Variants in RUNX1T1 observed in about 807,000 individuals in gnomAD.
The protein encoded by RUNX1T1 is protein CBFA2T1.
RUNX1T1 carries 4 observed loss-of-function variants against 62.8 expected under a neutral mutation model. The ratio of observed to expected loss-of-function variants is 0.06; its 90% CI spans 0.03 to 0.15. RUNX1T1 has a LOEUF of 0.15. Among genes scored for constraint, RUNX1T1 ranks in the 10% least tolerant of loss-of-function variants. RUNX1T1 has a pLI of 1.00. For missense variants in RUNX1T1, 508 were observed against 754.3 expected, an observed-to-expected ratio of 0.67 and a Z score of 3.82; for synonymous variants, 291 against 286.0, an observed-to-expected ratio of 1.02 and a Z score of -0.18.
intron 1 of RUNX1T1, among the ~76,000 whole-genome samples, chr8:92,059,853 A>T (rs1157039160): frequency 6.6e-6 from 1 of 152,166 alleles, no homozygotes; most frequent in Non-Finnish European, 1.5e-5. Context: ...CTTAAAAAAA[A>T]GTTCCAGGCA....
At chr8:91,955,732 T>G (rs1809263667), downstream of RUNX1T1, 1 of 224,726 alleles carries the variant, frequency 4.4e-6, no homozygotes. Context: ...GTCTATAAAG[T>G]CAGAACATTC....
At chr8:92,013,251 C>T (rs1418000296) in intron 3 of RUNX1T1, among the ~76,000 whole-genome samples, 1 of 152,174 alleles carries the variant, frequency 6.6e-6, no homozygotes, top group Admixed American at 6.5e-5. Flanking sequence ...AGTATGCCAA[C>T]ACACCTTTTG....
intron 8 of RUNX1T1, among the ~76,000 whole-genome samples, chr8:91,985,489 A>G (rs188951123): frequency 5.3e-5 from 8 of 152,326 alleles, no homozygotes; most frequent in African/African-American, 1.9e-4. Context: ...ACTAGAATTA[A>G]TATAATCATG....
intron 1 of RUNX1T1, among the ~76,000 whole-genome samples, chr8:92,084,272 G>A (rs2130844147): frequency 6.8e-6 from 1 of 147,984 alleles, no homozygotes; most frequent in African/African-American, 2.5e-5. Context: ...AATAAAAGAT[G>A]GGGTGTTTTG....
intron 2 of RUNX1T1, among the ~76,000 whole-genome samples, chr8:92,070,280 G>GAAA (rs1833476727): frequency 6.6e-6 from 1 of 152,224 alleles, no homozygotes; most frequent in African/African-American, 2.4e-5. Context: ...GAGCTTGAAA[G>GAAA]AAACCTGCCA....
Position 91,986,115 on chromosome 8 carries a change from A to G in RUNX1T1, c.1198+9T>C, listed in dbSNP as rs774215234. The G allele has an allele frequency of 6.2e-7, 1 of 1,603,158 alleles. No homozygotes were observed. Among genetic ancestry groups the G allele is most frequent in the Non-Finnish European group, 8.5e-7 (1 of 1,169,986 alleles). On this transcript the variant is annotated intron_variant, in intron 8 of 10. Coordinates refer to ENST00000396218, the Ensembl canonical transcript of RUNX1T1. ...GTGTTTTCGAGATACTCATCTGAAG[A>G]AAAGTTACCTAGTGCAACTGGGTCT...
At chr8:92,062,285 T>A (rs1362879844) in intron 1 of RUNX1T1, among the ~76,000 whole-genome samples, 5 of 152,166 alleles carry the variant, frequency 3.3e-5, no homozygotes, top group African/African-American at 4.8e-5. Flanking sequence ...CAAACATCCG[T>A]GGCTGTACGA....
intron 1 of RUNX1T1, among the ~76,000 whole-genome samples, chr8:92,052,217 T>C (rs1397867448): frequency 6.6e-6 from 1 of 152,200 alleles, no homozygotes; most frequent in East Asian, 1.9e-4. Context: ...AAGAAAATCT[T>C]TGTATATCCA....
At position 92,091,230 on chromosome 8, in the gene RUNX1T1, T is replaced by C. The variant is rs530251036; in HGVS notation, c.-86+8350A>G. On this transcript the variant is annotated intron_variant, in intron 1 of 11. Coordinates refer to the RUNX1T1 transcript ENST00000265814. ...CAAATAGTGATTTGCTTTAGAGGCC[T>C]TGATCGATATGAAACCGACCAAAAC... Among the ~76,000 whole-genome samples, 6 of 152,348 alleles carry C rather than the reference T, an allele frequency of 3.9e-5. No homozygotes were observed. The South Asian group carries it at 1.2e-3, about 32-fold the overall frequency.
intron 4 of RUNX1T1, among the ~76,000 whole-genome samples, chr8:92,007,967 C>CAAAAAAAAAAAAAAAAAAAA (rs34232877): frequency 4.7e-5 from 4 of 85,336 alleles, no homozygotes; most frequent in African/African-American, 7.5e-5. Context: ...GACTTTGTTT[C>CAAAAAAAAAAAAAAAAAAAA]AAAAAAAAAA....
downstream of RUNX1T1, chr8:91,957,035 GAGAAAA>G (rs560963395): frequency 8.3e-5 from 18 of 217,118 alleles, no homozygotes; most frequent in Non-Finnish European, 1.7e-4. Flanking sequence ...TCTCATGACA[GAGAAAA>G]AGAGAAAGAG....
intron 1 of RUNX1T1, among the ~76,000 whole-genome samples, chr8:92,026,540 G>A (rs1043428263): frequency 4.4e-4 from 67 of 152,194 alleles, no homozygotes; most frequent in African/African-American, 1.5e-3. Context: ...TGCATCTTCC[G>A]GCTGGGCACA....
intron 5 of RUNX1T1, chr8:91,994,716 C>T (rs907924786): frequency 2.4e-6 from 1 of 418,636 alleles, no homozygotes; most frequent in African/African-American, 2.0e-5. Context: ...TTCCCCAAAA[C>T]AATCAAGATT....
intron 1 of RUNX1T1, chr8:92,095,789 C>A (rs901642244): frequency 1.5e-5 from 5 of 329,270 alleles, no homozygotes; most frequent in Non-Finnish European, 2.2e-5. Context: ...AAGTCGCCTG[C>A]ATGCCCAAAT....
At chr8:92,038,734 T>C (rs1827874456) in intron 1 of RUNX1T1, among the ~76,000 whole-genome samples, 1 of 152,160 alleles carries the variant, frequency 6.6e-6, no homozygotes, top group Non-Finnish European at 1.5e-5. Context: ...GTCTACTTAA[T>C]ATAGCAAAGT....
At chr8:92,096,762 T>A (rs1837781075) in intron 1 of RUNX1T1, among the ~76,000 whole-genome samples, 2 of 151,370 alleles carry the variant, frequency 1.3e-5, no homozygotes, top group South Asian at 4.2e-4. Context: ...ATGCAGGGGG[T>A]CTCCCTAGAA....
chr8:92,055,139 A>G (rs536073087), intron 1 of RUNX1T1, among the ~76,000 whole-genome samples: 1 of 152,366 alleles, frequency 6.6e-6, no homozygotes, highest in African/African-American at 2.4e-5. Context: ...TGCTCTTGAG[A>G]AACACTACAA....
intron 1 of RUNX1T1, chr8:92,095,639 G>C (rs1837678502): frequency 7.7e-7 from 1 of 1,290,368 alleles, no homozygotes; most frequent in Non-Finnish European, 1.0e-6. Flanking sequence ...AAGACAGAAA[G>C]GGACAGGCAG....
At chr8:91,970,240 G>A (rs1185993776) in intron 10 of RUNX1T1, among the ~76,000 whole-genome samples, 1 of 152,156 alleles carries the variant, frequency 6.6e-6, no homozygotes, top group East Asian at 1.9e-4. Context: ...AGGACCAATA[G>A]CTAAGGCAGT....
Sources: allele counts gnomAD v4.1 joint callset (sites outside exome capture counted in the v4.1 genomes callset), GRCh38; gene constraint gnomAD v4.1.1; transcripts MANE v1.5; gene names NCBI Gene and HGNC (gene_info 2026-07-23, HGNC 2026-07-21).